STRN: variants seen among roughly 807,000 people sequenced by gnomAD.
STRN encodes the protein striatin.
In STRN, 53 loss-of-function variants were observed where a neutral mutation model predicts 96.3. The observed-to-expected ratio is 0.55, with a 90% confidence interval of 0.44 to 0.69. STRN has a LOEUF of 0.69. Ranked by LOEUF, STRN falls within the 30% of genes least tolerant of loss-of-function variation. STRN has a pLI of 0.00. For missense variants in STRN, 987 were observed against 963.9 expected (o/e 1.02, Z -0.32); for synonymous variants, 428 against 355.9 (o/e 1.20, Z -2.28).
At chr2:36,883,388 T>C (rs537553700) in intron 9 of STRN, among the ~76,000 whole-genome samples, 1 of 151,874 alleles carries the variant, frequency 6.6e-6, no homozygotes, top group African/African-American at 2.4e-5. Flanking sequence ...ACCTGGGAGG[T>C]GGAGGTTGTA....
chr2:36,963,830 G>T (rs996317330), intron 1 of STRN, among the ~76,000 whole-genome samples: 4 of 152,066 alleles, frequency 2.6e-5, no homozygotes, highest in Non-Finnish European at 5.9e-5. Flanking sequence ...GGTGGTGCAT[G>T]ACTGTAATCC....
At chr2:36,948,806 A>C (rs1245431007) in intron 1 of STRN, among the ~76,000 whole-genome samples, 1 of 152,372 alleles carries the variant, frequency 6.6e-6, no homozygotes, top group African/African-American at 2.4e-5. Flanking sequence ...GGGTATCCAA[A>C]TATCTTAGTG....
chr2:36,901,510 C>T (rs1430499597), intron 5 of STRN, among the ~76,000 whole-genome samples: 1 of 149,544 alleles, frequency 6.7e-6, no homozygotes, highest in East Asian at 2.0e-4. Context: ...TGAGATGGCG[C>T]CACTGCACTC....
chr2:36,946,822 A>T (rs542158379), intron 1 of STRN, among the ~76,000 whole-genome samples: 1 of 152,170 alleles, frequency 6.6e-6, no homozygotes, highest in Admixed American at 6.6e-5. Context: ...CTTTTTTGTA[A>T]AAAAGTTGAT....
At chr2:36,863,571 C>A (rs1224798095) in intron 12 of STRN, among the ~76,000 whole-genome samples, 2 of 152,160 alleles carry the variant, frequency 1.3e-5, no homozygotes, top group Admixed American at 6.5e-5. Flanking sequence ...TTGGTTACTA[C>A]AGCCCTGTAG....
intron 1 of STRN, among the ~76,000 whole-genome samples, chr2:36,964,262 TTTTG>T (rs1270493561): frequency 2.0e-5 from 3 of 150,196 alleles, no homozygotes; most frequent in East Asian, 1.9e-4. Context: ...TGTGTGTGTG[TTTTG>T]TTTTTGTTTT....
chr2:36,958,989 G>A (rs368411339), intron 1 of STRN, among the ~76,000 whole-genome samples: 22 of 152,184 alleles, frequency 1.4e-4, no homozygotes, highest in East Asian at 3.9e-4. Context: ...GGTGGCGGGC[G>A]TCTGTAGTCC....
At chr2:36,941,735 G>A (rs1341974536) in intron 1 of STRN, among the ~76,000 whole-genome samples, 1 of 133,292 alleles carries the variant, frequency 7.5e-6, no homozygotes, top group Non-Finnish European at 1.5e-5. Context: ...TTTTTTTTTA[G>A]TGGAGACGGG....
intron 1 of STRN, among the ~76,000 whole-genome samples, chr2:36,942,833 T>A (rs904312284): frequency 3.9e-5 from 6 of 152,026 alleles, no homozygotes; most frequent in Non-Finnish European, 5.9e-5. Context: ...GTAGCTGGGA[T>A]TACAGGCACG....
intron 6 of STRN, among the ~76,000 whole-genome samples, chr2:36,898,446 T>C (rs760904248): frequency 3.9e-5 from 6 of 152,226 alleles, no homozygotes; most frequent in Non-Finnish European, 8.8e-5. Context: ...TACTATTGAA[T>C]AGTCGTGATG....
intron 1 of STRN, among the ~76,000 whole-genome samples, chr2:36,960,728 G>A (rs552032033): frequency 2.6e-5 from 4 of 152,128 alleles, no homozygotes; most frequent in African/African-American, 9.6e-5. Context: ...TTTAAACCCA[G>A]GTCTCTGCCA....
intron 1 of STRN, among the ~76,000 whole-genome samples, chr2:36,932,869 A>G (rs1305692928): frequency 6.6e-6 from 1 of 152,196 alleles, no homozygotes; most frequent in African/African-American, 2.4e-5. Flanking sequence ...TAAATTAATT[A>G]CACCCACATT....
At chr2:36,883,421 C>A (rs1168344713) in intron 9 of STRN, among the ~76,000 whole-genome samples, 1 of 152,154 alleles carries the variant, frequency 6.6e-6, no homozygotes, top group African/African-American at 2.4e-5. Flanking sequence ...CATGCCACTG[C>A]ACTCCAGCCT....
intron 1 of STRN, among the ~76,000 whole-genome samples, chr2:36,954,698 G>T (rs529942144): frequency 6.6e-6 from 1 of 151,032 alleles, no homozygotes; most frequent in Non-Finnish European, 1.5e-5. Context: ...GTGAAATGGC[G>T]TGATCTCGGC....
chr2:36,921,678 T>C (rs1011339558), intron 2 of STRN, among the ~76,000 whole-genome samples: 1 of 149,220 alleles, frequency 6.7e-6, no homozygotes. Flanking sequence ...TCAGATTTCA[T>C]GGACTCTACT....
At chr2:36,861,312 A>T in intron 12 of STRN, 59 bp from the exon 13 acceptor site, 6 of 1,573,766 alleles carry the variant, frequency 3.8e-6, no homozygotes, top group Non-Finnish European at 5.2e-6. Context: ...TGATAATATG[A>T]CTTGTTAAAA....
rs535203706 is a variant in STRN at position 36,942,224 on chromosome 2, T to A, written c.235-17016A>T. On this transcript the variant is annotated intron_variant, in intron 1 of 17. Coordinates refer to ENST00000263918, the MANE Select transcript of STRN (RefSeq NM_003162.4). The stretch of plus-strand genomic sequence containing the variant: ...CTTAATGTCTGTAGCTATAGCAATC[T>A]TATAATCATAATGTATCAAAAAGGA... 2.4e-4 allele frequency among the ~76,000 whole-genome samples: 37 copies of A among 152,272 alleles called. 1 individual carries two copies. Among genetic ancestry groups the A allele is most frequent in the African/African-American group, 8.9e-4 (37 of 41,552 alleles).
intron 3 of STRN, among the ~76,000 whole-genome samples, chr2:36,912,032 C>T (rs1006599723): frequency 2.0e-5 from 3 of 152,178 alleles, no homozygotes; most frequent in African/African-American, 7.2e-5. Context: ...AAATACCCAC[C>T]ACCAAACAGA....
chr2:36,870,296 G>GAA (rs56722317), intron 10 of STRN, among the ~76,000 whole-genome samples: 38 of 139,038 alleles, frequency 2.7e-4, no homozygotes, highest in South Asian at 9.0e-4. Flanking sequence ...TCTCAAAAAT[G>GAA]AAAAAAAAAA....
Sources: gnomAD v4.1 joint callset for allele counts (sites outside exome capture counted in the v4.1 genomes callset) on GRCh38, gnomAD v4.1.1 for gene constraint, MANE v1.5 for transcripts, NCBI Gene and HGNC (gene_info 2026-07-23, HGNC 2026-07-21) for gene names.